Variants in MANBA observed in about 807,000 individuals in gnomAD.
The protein encoded by MANBA is beta-mannosidase.
MANBA carries 83 observed loss-of-function variants against 111.1 expected under a neutral mutation model. The ratio of observed to expected loss-of-function variants is 0.75; its 90% CI spans 0.63 to 0.90. The LOEUF (loss-of-function observed/expected upper bound fraction) is 0.90, where lower values mean the gene tolerates loss of function less well. Among genes scored for constraint, MANBA ranks in the 40% least tolerant of loss-of-function variants. The pLI, the probability that MANBA is intolerant of heterozygous loss-of-function variation, is 0.00. For synonymous variants in MANBA, 370 were observed against 378.7 expected (o/e 0.98, Z 0.27); for missense variants, 1,036 against 1,069.0 (o/e 0.97, Z 0.43).
At chr4:102,703,201 G>C (rs966280000) in intron 5 of MANBA, among the ~76,000 whole-genome samples, 2 of 152,196 alleles carry the variant, frequency 1.3e-5, no homozygotes, top group African/African-American at 4.8e-5. Flanking sequence ...AATAATCATA[G>C]CTCGCTGCAG....
At chr4:102,694,019 T>C (rs948003696) in intron 5 of MANBA, among the ~76,000 whole-genome samples, 2 of 152,212 alleles carry the variant, frequency 1.3e-5, no homozygotes, top group African/African-American at 4.8e-5. Context: ...TTGTTTTCTG[T>C]TACTTCTTCT....
chr4:102,676,123 TAAG>T (rs1560766996), intron 7 of MANBA, among the ~76,000 whole-genome samples: 1 of 152,154 alleles, frequency 6.6e-6, no homozygotes, highest in African/African-American at 2.4e-5. Flanking sequence ...AAATTATGAA[TAAG>T]AAGTGAAATT....
intron 1 of MANBA, chr4:102,751,627 C>T (rs2110211578): frequency 1.8e-6 from 1 of 541,096 alleles, no homozygotes; most frequent in Admixed American, 1.9e-5. Flanking sequence ...GAGAACATGT[C>T]ATCAGAAGTA....
chr4:102,714,541 C>A lies in MANBA; in HGVS notation c.570G>T (p.Trp190Cys). The change falls in exon 5 of 17, where the codon TGG becomes TGT. Residue 190 changes from tryptophan (W) to cysteine (C), a missense_variant. Physicochemically the swap from Trp to Cys is radical, Grantham distance 215. Transcript: ENST00000647097. The part of the protein sequence containing the change: ...FVRKEQCSFS[W>C]DWGPSFPTQG... ...GGGTAGGAAAGGAAGGCCCCCAGTC[C>A]CAACTAAAGGAACATTGCTCCTGCA... 1 of 1,608,840 alleles carries A rather than the reference C, an allele frequency of 6.2e-7. No individual in the cohort carries two copies. Among genetic ancestry groups the A allele is most frequent in the African/African-American group, 1.3e-5 (1 of 74,844 alleles).
At chr4:102,681,936 G>A (rs771191958) in intron 7 of MANBA, among the ~76,000 whole-genome samples, 2 of 151,798 alleles carry the variant, frequency 1.3e-5, no homozygotes, top group Admixed American at 6.6e-5. Flanking sequence ...ACCTGAGGTC[G>A]GGAGTTTGAG....
intron 1 of MANBA, among the ~76,000 whole-genome samples, chr4:102,755,450 T>G (rs985297055): frequency 6.6e-6 from 1 of 152,178 alleles, no homozygotes; most frequent in South Asian, 2.1e-4. Context: ...TCCTTCCTTA[T>G]ACCTTATACA....
chr4:102,705,323 T>G (rs868393145), intron 5 of MANBA, among the ~76,000 whole-genome samples: 7 of 152,196 alleles, frequency 4.6e-5, no homozygotes, highest in Admixed American at 1.3e-4. Context: ...AGGGAGCTCC[T>G]AAGCGGTTAA....
intron 11 of MANBA, among the ~76,000 whole-genome samples, chr4:102,659,664 C>T (rs540550711): frequency 1.3e-5 from 2 of 152,276 alleles, no homozygotes; most frequent in South Asian, 4.1e-4. Context: ...TCCTCTCATT[C>T]CTAAACCCCT....
At chr4:102,672,059 G>A (rs1357937063) in intron 8 of MANBA, 1 of 398,708 alleles carries the variant, frequency 2.5e-6, no homozygotes, top group Non-Finnish European at 4.4e-6. Flanking sequence ...CCCCAGCTGG[G>A]AGGGGAGAGG....
At chr4:102,681,833 C>A (rs1578897762) in intron 7 of MANBA, among the ~76,000 whole-genome samples, 1 of 151,992 alleles carries the variant, frequency 6.6e-6, no homozygotes. Context: ...TTCATGTATC[C>A]GGGAATGACT....
At chr4:102,734,762 A>C (rs958581798) in intron 1 of MANBA, 18 of 593,908 alleles carry the variant, frequency 3.0e-5, no homozygotes, top group Non-Finnish European at 1.8e-5. Flanking sequence ...CTAGACAGTC[A>C]TGACAGTCCC....
chr4:102,637,990 T>C (rs1729704338), intron 14 of MANBA, among the ~76,000 whole-genome samples: 1 of 152,198 alleles, frequency 6.6e-6, no homozygotes, highest in Non-Finnish European at 1.5e-5. Flanking sequence ...AGGTAGATAG[T>C]GTCAGACTTA....
intron 7 of MANBA, among the ~76,000 whole-genome samples, chr4:102,678,714 T>A (rs901759597): frequency 6.6e-6 from 1 of 152,206 alleles, no homozygotes; most frequent in Non-Finnish European, 1.5e-5. Context: ...ATTTTCAAAA[T>A]AGAAGGATTA....
chr4:102,722,822 C>G, intron 4 of MANBA, 49 bp downstream of exon 4: 2 of 1,569,190 alleles, frequency 1.3e-6, no homozygotes, highest in Non-Finnish European at 1.8e-6. Context: ...CATATGCCAG[C>G]ACACCCCGTC....
intron 5 of MANBA, among the ~76,000 whole-genome samples, chr4:102,695,727 G>A (rs1337686235): frequency 6.6e-6 from 1 of 152,112 alleles, no homozygotes; most frequent in East Asian, 1.9e-4. Flanking sequence ...TGAGCCTCTC[G>A]CAGCGATGCC....
chr4:102,671,434 GA>G (rs751018621), intron 8 of MANBA, 36 bp from the exon 9 acceptor site: 523 of 1,096,718 alleles, frequency 4.8e-4, no homozygotes, highest in Middle Eastern at 8.4e-4. Flanking sequence ...TCATAATTTG[GA>G]AAAAAAAAAC....
In MANBA at chr4:102,674,326, T is replaced by C. The variant is rs56400036; in HGVS notation, c.961-256A>G. On this transcript the variant is annotated intron_variant, in intron 7 of 16. Transcript: ENST00000647097. ...AGCTACTGTAGTCTTCCACATGAAA[T>C]AGGCATTTGTGATAACATCAAAAAA... is the stretch of plus-strand genomic sequence containing the variant. 9.3e-3 allele frequency among the ~76,000 whole-genome samples: 1,409 copies of C among 152,240 alleles called. 27 individuals carry two copies. The highest frequency in any genetic ancestry group is 0.032 in the African/African-American group (1,337 of 41,542).
intron 1 of MANBA, among the ~76,000 whole-genome samples, chr4:102,755,146 A>G (rs1723961063): frequency 1.3e-5 from 2 of 152,296 alleles, no homozygotes; most frequent in Non-Finnish European, 2.9e-5. Context: ...GAACCCAAAA[A>G]AAGCCCACAT....
At chr4:102,747,490 C>A (rs1259608526) in intron 1 of MANBA, among the ~76,000 whole-genome samples, 1 of 152,188 alleles carries the variant, frequency 6.6e-6, no homozygotes, top group Non-Finnish European at 1.5e-5. Context: ...TTTGACAACA[C>A]CCTCACAGAC....
Sources: allele counts gnomAD v4.1 joint callset (sites outside exome capture counted in the v4.1 genomes callset), GRCh38; gene constraint gnomAD v4.1.1; transcripts MANE v1.5; gene names NCBI Gene and HGNC (gene_info 2026-07-23, HGNC 2026-07-21).